Variants in ZNF804A observed in about 807,000 individuals in gnomAD.
ZNF804A encodes the protein zinc finger protein 804A.
ZNF804A carries 2 observed loss-of-function variants against 16.5 expected under a neutral mutation model. The observed-to-expected ratio is 0.12, with a 90% CI of 0.05 to 0.38. ZNF804A has a LOEUF of 0.38. ZNF804A is among the 10% of genes least tolerant of loss of function. The probability of loss-of-function intolerance (pLI) is 0.99; values close to 1 mark genes in which losing one functional copy is unlikely to be tolerated. For missense variants in ZNF804A, 1,473 were observed against 1,390.7 expected, an observed-to-expected ratio of 1.06 and a Z score of -0.94; for synonymous variants, 534 against 489.6, an observed-to-expected ratio of 1.09 and a Z score of -1.20.
intron 1 of ZNF804A, among the ~76,000 whole-genome samples, chr2:184,758,045 T>C (rs1693984858): frequency 6.6e-6 from 1 of 151,976 alleles, no homozygotes; most frequent in South Asian, 2.1e-4. Context: ...TTGCTTAGCA[T>C]TGTGCAGGAA....
intron 1 of ZNF804A, among the ~76,000 whole-genome samples, chr2:184,767,680 A>G (rs1231765839): frequency 6.6e-6 from 1 of 152,152 alleles, no homozygotes; most frequent in Non-Finnish European, 1.5e-5. Context: ...TCTTTAAAAT[A>G]TTATTAACTA....
At chr2:184,702,228 T>A (rs1164491609) in intron 1 of ZNF804A, among the ~76,000 whole-genome samples, 1 of 152,046 alleles carries the variant, frequency 6.6e-6, no homozygotes, top group Non-Finnish European at 1.5e-5. Flanking sequence ...TTATCTATGA[T>A]CATTTCCTTC....
At chr2:184,734,780 TGTG>T (rs780080356) in intron 1 of ZNF804A, among the ~76,000 whole-genome samples, 3 of 152,214 alleles carry the variant, frequency 2.0e-5, no homozygotes, top group Non-Finnish European at 2.9e-5. Context: ...TTTAAACTAT[TGTG>T]GTGATTCACC....
chr2:184,935,975 T>A lies in ZNF804A; in HGVS notation c.579T>A (p.Tyr193Ter). ...AAGATCCAGAAAGTGCAAATAATTA[T>A]ACAGCAAAAAATAACCAAGTTGGGG... The part of the protein sequence containing the change: ...VAEDPESANN[Y>*]TAKNNQVGDQ... The change falls in exon 4 of 4, where the codon TAT (tyrosine) becomes TAA (stop). Residue 193 changes from tyrosine to a stop codon, truncating the protein, a stop_gained. Coordinates refer to ENST00000302277, the MANE Select transcript of ZNF804A (RefSeq NM_194250.2). LOFTEE classifies it low-confidence loss of function (END_TRUNC). The A allele has an allele frequency of 6.2e-7, 1 of 1,613,998 alleles. No individual in the cohort carries two copies. The highest frequency in any genetic ancestry group is 2.2e-5 in the East Asian group (1 of 44,838).
At chr2:184,748,894 G>T (rs1439071329) in intron 1 of ZNF804A, among the ~76,000 whole-genome samples, 5 of 151,464 alleles carry the variant, frequency 3.3e-5, no homozygotes, top group Non-Finnish European at 5.9e-5. Flanking sequence ...TCAGCATGTT[G>T]TAGGTGTGCG....
chr2:184,922,080 A>G (rs1275680476), intron 2 of ZNF804A, among the ~76,000 whole-genome samples: 1 of 152,100 alleles, frequency 6.6e-6, no homozygotes, highest in Non-Finnish European at 1.5e-5. Flanking sequence ...AATAAACATG[A>G]GTGCACAGAT....
At chr2:184,643,667 T>C (rs888612869) in intron 1 of ZNF804A, among the ~76,000 whole-genome samples, 1 of 151,800 alleles carries the variant, frequency 6.6e-6, no homozygotes, top group Non-Finnish European at 1.5e-5. Context: ...ATTACTTATC[T>C]TGTAGAAAGT....
rs182279599 is a variant in ZNF804A at position 184,784,650 on chromosome 2, T to G, written c.112-81719T>G. 9.9e-5 allele frequency among the ~76,000 whole-genome samples: 15 copies of G among 152,090 alleles called. No homozygotes were observed. The East Asian group carries it at 2.7e-3, about 27-fold the overall frequency. ...TGTAGAGTAGGACAAATTTTCCCAG[T>G]ACTTCAGTTGTCTTTTTGTGTGTGT... On this transcript the variant is annotated intron_variant, in intron 1 of 3. Coordinates refer to ENST00000302277, the MANE Select transcript of ZNF804A (RefSeq NM_194250.2).
intron 1 of ZNF804A, among the ~76,000 whole-genome samples, chr2:184,847,487 C>G (rs376917764): frequency 6.6e-6 from 1 of 152,028 alleles, no homozygotes; most frequent in Non-Finnish European, 1.5e-5. Flanking sequence ...AATGAGACAA[C>G]AGCAAAGCTT....
rs569001814 is a variant in ZNF804A at position 184,794,849 on chromosome 2, C to T, written c.112-71520C>T. On this transcript the variant is annotated intron_variant, in intron 1 of 3. Transcript: ENST00000302277. ...AAATGGACAACAAAAGTGAGCAGGCCTTTTCTAACAGGGAAATATCACAAT... is the reference window on the plus strand; with the variant it reads ...AAATGGACAACAAAAGTGAGCAGGCTTTTTCTAACAGGGAAATATCACAAT... Among the ~76,000 whole-genome samples the T allele has an allele frequency of 2.0e-5, 3 of 151,206 alleles. No homozygotes were observed. The South Asian group carries it at 6.3e-4, about 32-fold the overall frequency.
At chr2:184,894,435 A>G (rs1305108486) in intron 2 of ZNF804A, among the ~76,000 whole-genome samples, 2 of 152,036 alleles carry the variant, frequency 1.3e-5, no homozygotes, top group Non-Finnish European at 2.9e-5. Flanking sequence ...TTTTACTATT[A>G]AAAATTTTTT....
intron 1 of ZNF804A, among the ~76,000 whole-genome samples, chr2:184,746,005 G>A (rs1693784264): frequency 6.6e-6 from 1 of 151,352 alleles, no homozygotes; most frequent in Admixed American, 6.6e-5. Context: ...TAAAAATTAA[G>A]CTTTATTTTT....
chr2:184,922,469 G>A (rs1234190416), intron 2 of ZNF804A, among the ~76,000 whole-genome samples: 1 of 151,866 alleles, frequency 6.6e-6, no homozygotes, highest in East Asian at 1.9e-4. Flanking sequence ...TTATAGAGTT[G>A]TTTGAGCTCC....
intron 1 of ZNF804A, among the ~76,000 whole-genome samples, chr2:184,782,940 A>G (rs1253726215): frequency 2.0e-5 from 3 of 150,714 alleles, no homozygotes; most frequent in Non-Finnish European, 3.0e-5. Flanking sequence ...AAACTTCTTC[A>G]GCAGCAAGAC....
chr2:184,919,256 C>G (rs1300117338), intron 2 of ZNF804A, among the ~76,000 whole-genome samples: 1 of 152,188 alleles, frequency 6.6e-6, no homozygotes, highest in Non-Finnish European at 1.5e-5. Context: ...TGAAAGCCAT[C>G]CAATGTACTC....
intron 1 of ZNF804A, among the ~76,000 whole-genome samples, chr2:184,741,531 T>C (rs1693708979): frequency 6.6e-6 from 1 of 152,116 alleles, no homozygotes; most frequent in African/African-American, 2.4e-5. Context: ...CCACCATAAA[T>C]CGCAGAATAT....
At chr2:184,608,031 C>T (rs1460244535) in intron 1 of ZNF804A, among the ~76,000 whole-genome samples, 3 of 143,012 alleles carry the variant, frequency 2.1e-5, no homozygotes, top group Non-Finnish European at 4.5e-5. Context: ...CTGCAAGCTC[C>T]GCCTCCCGGG....
intron 2 of ZNF804A, among the ~76,000 whole-genome samples, chr2:184,880,508 A>T (rs1684794489): frequency 6.6e-6 from 1 of 152,070 alleles, no homozygotes. Context: ...AATATAGGCA[A>T]ACACAAGTTA....
intron 1 of ZNF804A, among the ~76,000 whole-genome samples, chr2:184,599,476 T>G (rs921930906): frequency 3.9e-5 from 6 of 152,202 alleles, no homozygotes; most frequent in Admixed American, 3.9e-4. Flanking sequence ...CAGGGAACCA[T>G]GTGGCTGGTC....
Sources: gnomAD v4.1 joint callset for allele counts (sites outside exome capture counted in the v4.1 genomes callset) on GRCh38, gnomAD v4.1.1 for gene constraint, MANE v1.5 for transcripts, NCBI Gene and HGNC (gene_info 2026-07-23, HGNC 2026-07-21) for gene names.